WDR26: variants seen among roughly 807,000 people sequenced by gnomAD.
WDR26 encodes the protein WD repeat domain 26, also known as WD repeat-containing protein 26.
Under a neutral mutation model 84.1 loss-of-function variants are expected in WDR26, and 5 were observed. The observed-to-expected ratio is 0.06, with a 90% CI of 0.03 to 0.13. The LOEUF is 0.13. Ranked by LOEUF, WDR26 falls within the 10% of genes least tolerant of loss-of-function variation. The pLI is 1.00. For synonymous variants in WDR26, 415 were observed against 389.6 expected, an observed-to-expected ratio of 1.07 and a Z score of -0.77; for missense variants, 642 against 974.9, an observed-to-expected ratio of 0.66 and a Z score of 4.55.
chr1:224,423,524 T>C (rs942200343), intron 4 of WDR26, among the ~76,000 whole-genome samples: 1 of 152,074 alleles, frequency 6.6e-6, no homozygotes, highest in African/African-American at 2.4e-5. Flanking sequence ...AGCAGGTGGA[T>C]TGCTTAAGGT....
intron 9 of WDR26, 126 bp from the exon 10 acceptor site, chr1:224,399,160 T>G (rs1488781658): frequency 2.6e-6 from 2 of 775,782 alleles, no homozygotes; most frequent in Non-Finnish European, 3.8e-6. Flanking sequence ...GAGACTGATC[T>G]CAACCTAATT....
intron 1 of WDR26, among the ~76,000 whole-genome samples, chr1:224,433,457 C>A (rs374046193): frequency 3.9e-5 from 6 of 152,230 alleles, no homozygotes; most frequent in Admixed American, 2.0e-4. Context: ...TCTCGTCTCA[C>A]AATTTGTCAG....
chr1:224,418,651 T>A (rs567446134), intron 5 of WDR26, among the ~76,000 whole-genome samples: 10 of 152,252 alleles, frequency 6.6e-5, no homozygotes, highest in South Asian at 6.2e-4. Context: ...ATATGTGGAT[T>A]TTCTAGGGGC....
At chr1:224,397,338 C>T (rs1204743236) in intron 12 of WDR26, among the ~76,000 whole-genome samples, 2 of 152,130 alleles carry the variant, frequency 1.3e-5, no homozygotes, top group Non-Finnish European at 2.9e-5. Context: ...TAGAAATGTA[C>T]AGTGGGTATT....
chr1:224,396,246 TA>T (rs893363804), intron 12 of WDR26, among the ~76,000 whole-genome samples: 4 of 151,990 alleles, frequency 2.6e-5, no homozygotes, highest in African/African-American at 7.2e-5. Context: ...AGTTTGGGCT[TA>T]AAAAAAAGTT....
chr1:224,417,368 T>C (rs757610111), intron 6 of WDR26, among the ~76,000 whole-genome samples: 8 of 152,242 alleles, frequency 5.3e-5, no homozygotes, highest in Non-Finnish European at 8.8e-5. Flanking sequence ...ATTCTTGAAG[T>C]CTGAAATATT....
intron 7 of WDR26, among the ~76,000 whole-genome samples, chr1:224,408,374 C>T (rs1262701461): frequency 6.6e-6 from 1 of 152,168 alleles, no homozygotes; most frequent in African/African-American, 2.4e-5. Flanking sequence ...TTATCATGTG[C>T]TTAGTCTGTC....
chr1:224,419,663 T>C, intron 4 of WDR26, 48 bp from the exon 5 acceptor site: 1 of 1,430,734 alleles, frequency 7.0e-7, no homozygotes, highest in East Asian at 2.3e-5. Flanking sequence ...CATTTCTTTG[T>C]AATAAATGTA....
intron 3 of WDR26, chr1:224,429,276 AAAC>A (rs1674318535): frequency 6.6e-6 from 1 of 151,924 alleles, no homozygotes; most frequent in African/African-American, 2.4e-5. Context: ...AAAAAAAACA[AAAC>A]AAACAAACAG....
At chr1:224,407,494 T>TAC (rs1386005896) in intron 7 of WDR26, among the ~76,000 whole-genome samples, 7 of 148,844 alleles carry the variant, frequency 4.7e-5, no homozygotes, top group Non-Finnish European at 8.9e-5. Flanking sequence ...GGCATATATA[T>TAC]ATATATACAT....
intron 6 of WDR26, among the ~76,000 whole-genome samples, chr1:224,414,834 A>G (rs992467274): frequency 1.3e-5 from 2 of 152,086 alleles, no homozygotes; most frequent in Non-Finnish European, 1.5e-5. Flanking sequence ...AGAAACCACA[A>G]AACAACAACG....
chr1:224,407,151 A>AAAAAAAAGAATATAT, intron 7 of WDR26, among the ~76,000 whole-genome samples: 1 of 11,868 alleles, frequency 8.4e-5, no homozygotes, highest in Non-Finnish European at 1.4e-4. Flanking sequence ...AAAAAAAAAA[A>AAAAAAAAGAATATAT]ATATATATAT....
At chr1:224,414,996 G>A (rs1342424366) in intron 6 of WDR26, among the ~76,000 whole-genome samples, 1 of 152,152 alleles carries the variant, frequency 6.6e-6, no homozygotes, top group African/African-American at 2.4e-5. Context: ...TACAGGGCAA[G>A]ATCATGTGTT....
chr1:224,404,286 T>G, intron 8 of WDR26, 144 bp downstream of exon 8: 2 of 923,698 alleles, frequency 2.2e-6, no homozygotes, highest in Middle Eastern at 3.2e-4. Flanking sequence ...TCTGGAAACT[T>G]GGGTTCCACT....
At position 224,407,820 on chromosome 1, in the gene WDR26, A is replaced by G. The variant is rs540930251; in HGVS notation, c.1459-3250T>C. ...CACCGCACCCGGCCAAAAAGAACAC[A>G]TATTTTCTTATAATTTTTTCAGACA... On this transcript the variant is annotated intron_variant, in intron 7 of 13. Transcript: ENST00000414423. Among the ~76,000 whole-genome samples the G allele has an allele frequency of 1.7e-4, 26 of 152,104 alleles. 1 individual carries two copies. The South Asian group carries it at 5.4e-3, about 32-fold the overall frequency.
intron 7 of WDR26, among the ~76,000 whole-genome samples, chr1:224,406,517 T>C (rs1673572814): frequency 1.3e-5 from 2 of 152,232 alleles, no homozygotes; most frequent in South Asian, 4.1e-4. Flanking sequence ...AAATGGATTA[T>C]GTTTACACTA....
At chr1:224,407,830 A>G (rs1336213783) in intron 7 of WDR26, among the ~76,000 whole-genome samples, 4 of 152,066 alleles carry the variant, frequency 2.6e-5, no homozygotes, top group Admixed American at 1.3e-4. Flanking sequence ...ATATTTTCTT[A>G]TAATTTTTTC....
chr1:224,413,316 C>T, intron 6 of WDR26: 2 of 1,244,916 alleles, frequency 1.6e-6, no homozygotes, highest in Non-Finnish European at 2.1e-6. Flanking sequence ...TTTAGAATTA[C>T]ATTTTGTCAA....
chr1:224,407,151 A>AAAAAAGAATATAT, intron 7 of WDR26, among the ~76,000 whole-genome samples: 2 of 11,868 alleles, frequency 1.7e-4, no homozygotes, highest in Non-Finnish European at 1.4e-4. Context: ...AAAAAAAAAA[A>AAAAAAGAATATAT]ATATATATAT....
Sources: allele counts gnomAD v4.1 joint callset (sites outside exome capture counted in the v4.1 genomes callset), GRCh38; gene constraint gnomAD v4.1.1; transcripts MANE v1.5; gene names NCBI Gene and HGNC (gene_info 2026-07-23, HGNC 2026-07-21).